The following LIMS1 variants were observed in gnomAD, a reference collection of about 807,000 sequenced individuals.
The protein encoded by LIMS1 is LIM zinc finger domain containing 1.
Under a neutral mutation model 44.1 loss-of-function variants are expected in LIMS1, and 18 were observed. The ratio of observed to expected loss-of-function variants is 0.41; its 90% CI spans 0.28 to 0.61. The LOEUF is 0.61. Ranked by LOEUF, LIMS1 falls within the 20% of genes least tolerant of loss-of-function variation. The pLI, the probability that LIMS1 is intolerant of heterozygous loss-of-function variation, is 0.32. For synonymous variants in LIMS1, 93 were observed against 149.1 expected, an observed-to-expected ratio of 0.62 and a Z score of 2.74; for missense variants, 201 against 422.0, an observed-to-expected ratio of 0.48 and a Z score of 4.59.
At chr2:108,564,325 C>A (rs1209901503) in intron 1 of LIMS1, among the ~76,000 whole-genome samples, 1 of 152,182 alleles carries the variant, frequency 6.6e-6, no homozygotes, top group Non-Finnish European at 1.5e-5. Flanking sequence ...ACTTAATAGA[C>A]TACAGTGTAG....
At chr2:108,618,862 C>G (rs1008993003) in intron 1 of LIMS1, among the ~76,000 whole-genome samples, 2 of 151,584 alleles carry the variant, frequency 1.3e-5, no homozygotes, top group Non-Finnish European at 2.9e-5. Flanking sequence ...GTTAAAAAGG[C>G]CTTCCCCAAA....
intron 2 of LIMS1, among the ~76,000 whole-genome samples, chr2:108,666,493 A>G (rs1691770330): frequency 7.8e-6 from 1 of 128,860 alleles, no homozygotes; most frequent in African/African-American, 3.0e-5. Flanking sequence ...CTACCAGTTT[A>G]TTCTAAACAA....
intron 1 of LIMS1, among the ~76,000 whole-genome samples, chr2:108,637,265 A>C (rs372691394): frequency 1.3e-5 from 2 of 152,092 alleles, no homozygotes; most frequent in East Asian, 3.9e-4. Context: ...AGATATGTAC[A>C]TTTGAATTTG....
At chr2:108,566,347 T>A (rs1685288413) in intron 1 of LIMS1, among the ~76,000 whole-genome samples, 1 of 152,216 alleles carries the variant, frequency 6.6e-6, no homozygotes, top group Non-Finnish European at 1.5e-5. Context: ...AATTAAGGAA[T>A]CCAGCTGTGA....
chr2:108,553,339 T>A (rs2104595448), intron 1 of LIMS1, among the ~76,000 whole-genome samples: 1 of 152,306 alleles, frequency 6.6e-6, no homozygotes, highest in South Asian at 2.1e-4. Flanking sequence ...GCTCCACGAT[T>A]GAAGCAAATG....
chr2:108,611,836 A>AATAT (rs138970063), intron 1 of LIMS1, among the ~76,000 whole-genome samples: 7,808 of 130,948 alleles, frequency 0.06, 276 homozygotes, highest in Non-Finnish European at 0.062. Context: ...CATGATCTAA[A>AATAT]ATATATATAT....
At chr2:108,623,581 G>C (rs796776463) in intron 1 of LIMS1, among the ~76,000 whole-genome samples, 14 of 152,260 alleles carry the variant, frequency 9.2e-5, no homozygotes, top group African/African-American at 3.4e-4. Flanking sequence ...GCAAAGTAAA[G>C]ATACAGTGAG....
At chr2:108,594,809 T>C (rs950170622) in intron 1 of LIMS1, among the ~76,000 whole-genome samples, 1 of 152,188 alleles carries the variant, frequency 6.6e-6, no homozygotes, top group East Asian at 1.9e-4. Context: ...GTGGGTACTT[T>C]AAAGTCCATC....
intron 1 of LIMS1, among the ~76,000 whole-genome samples, chr2:108,552,807 G>A (rs1684803695): frequency 6.6e-6 from 1 of 151,880 alleles, no homozygotes; most frequent in Non-Finnish European, 1.5e-5. Flanking sequence ...GGAACTCCTG[G>A]CCTCAAGCAA....
Position 108,572,669 on chromosome 2 carries a change from C to A in LIMS1, c.32+38075C>A, listed in dbSNP as rs1040040041. Among the ~76,000 whole-genome samples, 56 of 152,242 alleles carry A rather than the reference C, an allele frequency of 3.7e-4. 1 individual carries two copies. Among genetic ancestry groups the A allele is most frequent in the Middle Eastern group, 3.4e-3 (1 of 294 alleles). On this transcript the variant is annotated intron_variant, in intron 1 of 9. Transcript: ENST00000544547. ...AAAGTGCTGGGATTACATGCATGAGCCACTACGCCCGGCCTGACTCTTTTG... is the reference window on the plus strand; with the variant it reads ...AAAGTGCTGGGATTACATGCATGAGACACTACGCCCGGCCTGACTCTTTTG...
At chr2:108,563,528 A>G (rs1008765913) in intron 1 of LIMS1, among the ~76,000 whole-genome samples, 1 of 152,212 alleles carries the variant, frequency 6.6e-6, no homozygotes, top group African/African-American at 2.4e-5. Flanking sequence ...AAATCACAAG[A>G]TAACTAGAAT....
intron 1 of LIMS1, among the ~76,000 whole-genome samples, chr2:108,611,854 T>TATATACAC (rs771325535): frequency 0.022 from 2,747 of 125,218 alleles, 59 homozygotes; most frequent in Non-Finnish European, 0.027. Context: ...TATATATATA[T>TATATACAC]ACACACATAT....
chr2:108,541,306 G>A (rs927176201), intron 1 of LIMS1, among the ~76,000 whole-genome samples: 2 of 152,222 alleles, frequency 1.3e-5, no homozygotes, highest in African/African-American at 4.8e-5. Context: ...TTAAAGCTGG[G>A]CACATTGCTG....
chr2:108,628,616 C>A (rs992228884), intron 1 of LIMS1, among the ~76,000 whole-genome samples: 1 of 152,134 alleles, frequency 6.6e-6, no homozygotes, highest in Non-Finnish European at 1.5e-5. Flanking sequence ...TACAGGCGCA[C>A]CACCACGCCC....
At chr2:108,686,112 G>C (rs529022631) in exon 10 of LIMS1, 1 of 152,074 alleles carries the variant, frequency 6.6e-6, no homozygotes, top group Admixed American at 6.6e-5. Context: ...GGATCACGAG[G>C]TCAGGAGATC....
intron 1 of LIMS1, among the ~76,000 whole-genome samples, chr2:108,630,192 C>CAAAAAAAA (rs59941456): frequency 8.7e-5 from 9 of 103,922 alleles, no homozygotes; most frequent in African/African-American, 3.7e-4. Flanking sequence ...GACCCTGTCT[C>CAAAAAAAA]AAAAAAAAAA....
chr2:108,645,018 G>C (rs1300033742), intron 1 of LIMS1, among the ~76,000 whole-genome samples: 1 of 152,126 alleles, frequency 6.6e-6, no homozygotes, highest in Non-Finnish European at 1.5e-5. Context: ...CCAGATCTTT[G>C]TTTGATTGGT....
intron 1 of LIMS1, among the ~76,000 whole-genome samples, chr2:108,568,996 A>T (rs1400562105): frequency 1.3e-5 from 2 of 151,968 alleles, no homozygotes; most frequent in African/African-American, 4.8e-5. Flanking sequence ...GGTTCCAGCG[A>T]TTCTCCTGCC....
At chr2:108,583,021 T>C (rs1409516156) in intron 1 of LIMS1, among the ~76,000 whole-genome samples, 1 of 151,360 alleles carries the variant, frequency 6.6e-6, no homozygotes, top group Non-Finnish European at 1.5e-5. Flanking sequence ...TAAAAAGGGG[T>C]GTTTTTTGTT....
Sources: allele counts gnomAD v4.1 joint callset (sites outside exome capture counted in the v4.1 genomes callset), GRCh38; gene constraint gnomAD v4.1.1; transcripts MANE v1.5; gene names NCBI Gene and HGNC (gene_info 2026-07-23, HGNC 2026-07-21).